The following RASA3 variants were observed in gnomAD, a reference collection of about 807,000 sequenced individuals.
RASA3 encodes ras GTPase-activating protein 3.
RASA3 carries 73 observed loss-of-function variants against 110.0 expected under a neutral mutation model. The observed-to-expected ratio is 0.66, with a 90% CI of 0.55 to 0.81. RASA3 has a LOEUF of 0.81. RASA3 is among the 30% of genes least tolerant of loss of function. RASA3 has a pLI of 0.00. For missense variants in RASA3, 976 were observed against 1,113.2 expected (o/e 0.88, Z 1.75); for synonymous variants, 500 against 451.4 (o/e 1.11, Z -1.37).
chr13:114,101,062 G>A (rs187762995), intron 1 of RASA3, among the ~76,000 whole-genome samples: 1 of 152,190 alleles, frequency 6.6e-6, no homozygotes, highest in Non-Finnish European at 1.5e-5. Context: ...GCAGCCGGGG[G>A]TGTAGGGACA....
rs546150726 is a variant in RASA3 at position 114,015,267 on chromosome 13, C to T, written c.1347G>A (p.Pro449=). 2.6e-5 allele frequency: 42 copies of T among 1,613,126 alleles called. No individual in the cohort carries two copies. The highest frequency in any genetic ancestry group is 1.6e-4 in the East Asian group (7 of 44,864). ...HAITESGVSC[P]TVMCDIFFSL... ...AGAAGAAGATGTCACACATGACGGTCGGGCAGCTCACCCCAGACTCAGTGA... is the reference window on the plus strand; with the variant it reads ...AGAAGAAGATGTCACACATGACGGTTGGGCAGCTCACCCCAGACTCAGTGA... The change falls in exon 14 of 24, where the codon CCG becomes CCA. Residue 449 remains proline (P), a synonymous_variant. Coordinates refer to ENST00000334062, the MANE Select transcript of RASA3 (RefSeq NM_007368.4).
intron 11 of RASA3, among the ~76,000 whole-genome samples, 179 bp downstream of exon 11, chr13:114,017,925 C>CA (rs11296653): frequency 0.01 from 1,226 of 121,760 alleles, 7 homozygotes; most frequent in Admixed American, 0.016. Flanking sequence ...ATGGGACTTT[C>CA]AAAAAAAAAA....
intron 2 of RASA3, among the ~76,000 whole-genome samples, chr13:114,066,126 G>A (rs999035499): frequency 6.6e-5 from 9 of 136,906 alleles, no homozygotes; most frequent in South Asian, 2.4e-4. Flanking sequence ...CTCGGCTCCC[G>A]CCTCTCCTGC....
rs2052816818 is a variant in RASA3 at position 113,978,126 on chromosome 13, T to C, written c.*1221A>G. 1 of 152,212 alleles carries C rather than the reference T, an allele frequency of 6.6e-6. No homozygotes were observed. The highest frequency in any genetic ancestry group is 2.4e-5 in the African/African-American group (1 of 41,448). 9.4% of individuals were successfully genotyped at this position (152,212 alleles called of 1,614,324 possible). On this transcript the variant is annotated 3_prime_UTR_variant, in exon 24 of 24. Transcript: ENST00000334062. ...GGGAGGACGCCCTTTGGGAAAGGCC[T>C]CCTCGGCAGTGTGAGGTCTGGAGGG...
At chr13:114,131,852 T>C (rs2080524756) in intron 1 of RASA3, among the ~76,000 whole-genome samples, 1 of 149,322 alleles carries the variant, frequency 6.7e-6, no homozygotes, top group Admixed American at 6.6e-5. Flanking sequence ...CGCCCACACA[T>C]GGACACACAA....
chr13:114,031,101 TTGTG>T (rs1417104906), intron 4 of RASA3, among the ~76,000 whole-genome samples: 20 of 98,648 alleles, frequency 2.0e-4, no homozygotes, highest in East Asian at 2.9e-4. Context: ...GTGCATGTGA[TTGTG>T]TGTATCTGCT....
At position 114,047,308 on chromosome 13, in the gene RASA3, G is replaced by A. The variant is rs138477511; in HGVS notation, c.277+4744C>T. On this transcript the variant is annotated intron_variant, in intron 3 of 23. Transcript: ENST00000334062. ...CTAAGCCCAAGAAAAGGTCCTCGAC[G>A]CCACTCTTCACGGACACGCAATAAA... Among the ~76,000 whole-genome samples the A allele has an allele frequency of 7.5e-3, 1,147 of 152,298 alleles. 10 individuals carry two copies. The highest frequency in any genetic ancestry group is 0.012 in the Non-Finnish European group (796 of 68,028).
chr13:114,126,519 A>G (rs2080451758), intron 1 of RASA3, among the ~76,000 whole-genome samples: 1 of 151,446 alleles, frequency 6.6e-6, no homozygotes, highest in Non-Finnish European at 1.5e-5. Context: ...TTCAGGAGCA[A>G]GTTGAAAGCC....
intron 9 of RASA3, among the ~76,000 whole-genome samples, chr13:114,019,957 G>A (rs1330160353): frequency 2.1e-4 from 12 of 57,556 alleles, no homozygotes; most frequent in Non-Finnish European, 3.0e-4. Context: ...CCCGCCAGGT[G>A]GGTGGAGCCT....
intron 3 of RASA3, among the ~76,000 whole-genome samples, chr13:114,041,746 G>A (rs1023654728): frequency 6.6e-6 from 1 of 152,268 alleles, no homozygotes; most frequent in East Asian, 1.9e-4. Flanking sequence ...TCACAGGCAG[G>A]ACTGAGAGCC....
intron 21 of RASA3, among the ~76,000 whole-genome samples, chr13:113,996,049 G>GGGGGGGCCCAGCTGAT (rs2053247273): frequency 2.1e-5 from 1 of 48,338 alleles, no homozygotes; most frequent in African/African-American, 1.2e-4. Context: ...CCCGGCTGAT[G>GGGGGGGCCCAGCTGAT]GGGGGGCCCG....
chr13:114,128,408 C>T (rs2080477612), intron 1 of RASA3, among the ~76,000 whole-genome samples: 1 of 152,264 alleles, frequency 6.6e-6, no homozygotes, highest in African/African-American at 2.4e-5. Flanking sequence ...GTCCATCAGG[C>T]TGAGAGTGTC....
chr13:114,041,513 G>A (rs1291783455), intron 3 of RASA3, among the ~76,000 whole-genome samples: 1 of 152,232 alleles, frequency 6.6e-6, no homozygotes, highest in Non-Finnish European at 1.5e-5. Flanking sequence ...TGTGGTCCGT[G>A]GCCAGTTCTC....
intron 4 of RASA3, among the ~76,000 whole-genome samples, chr13:114,040,175 A>T (rs1556125): frequency 6.6e-4 from 100 of 151,890 alleles, no homozygotes; most frequent in Non-Finnish European, 8.4e-4. Context: ...AAATCCATGC[A>T]CGGAGCCCAG....
intron 2 of RASA3, among the ~76,000 whole-genome samples, chr13:114,069,261 T>C (rs2079511839): frequency 6.6e-6 from 1 of 151,820 alleles, no homozygotes; most frequent in African/African-American, 2.4e-5. Flanking sequence ...CCCCAGGGAA[T>C]GTGAGAAGGG....
chr13:114,068,975 C>T (rs1012619790), intron 2 of RASA3, among the ~76,000 whole-genome samples: 1 of 152,192 alleles, frequency 6.6e-6, no homozygotes, highest in African/African-American at 2.4e-5. Flanking sequence ...AGACAGAGGA[C>T]GCTCTCCCCA....
At chr13:114,032,427 C>T (rs191472338) in intron 4 of RASA3, among the ~76,000 whole-genome samples, 2 of 152,296 alleles carry the variant, frequency 1.3e-5, no homozygotes, top group East Asian at 1.9e-4. Flanking sequence ...GACATACGGC[C>T]TCCATGTACT....
At chr13:114,038,371 G>A (rs2054322039) in intron 4 of RASA3, among the ~76,000 whole-genome samples, 1 of 152,280 alleles carries the variant, frequency 6.6e-6, no homozygotes. Flanking sequence ...GTGCTCCGGG[G>A]ATGCGAGGAC....
At chr13:114,073,956 G>GT (rs1566553252) in intron 1 of RASA3, 119 bp from the exon 2 acceptor site, 12 of 913,098 alleles carry the variant, frequency 1.3e-5, no homozygotes, top group African/African-American at 1.6e-5. Flanking sequence ...TAAAGCCTTG[G>GT]TTTTTTTGCC....
Sources: gnomAD v4.1 joint callset for allele counts (sites outside exome capture counted in the v4.1 genomes callset) on GRCh38, gnomAD v4.1.1 for gene constraint, MANE v1.5 for transcripts, NCBI Gene and HGNC (gene_info 2026-07-23, HGNC 2026-07-21) for gene names.